CSNK1E: variants seen among roughly 807,000 people sequenced by gnomAD.
The protein encoded by CSNK1E is casein kinase I isoform epsilon.
Under a neutral mutation model 46.1 loss-of-function variants are expected in CSNK1E, and 17 were observed. The observed-to-expected ratio is 0.37, with a 90% CI of 0.25 to 0.55. The LOEUF (loss-of-function observed/expected upper bound fraction) is 0.55, where lower values mean the gene tolerates loss of function less well. CSNK1E is among the 20% of genes least tolerant of loss of function. The probability of loss-of-function intolerance (pLI) is 0.82; values close to 1 mark genes in which losing one functional copy is unlikely to be tolerated. For missense variants in CSNK1E, 386 were observed against 595.4 expected (o/e 0.65, Z 3.66); for synonymous variants, 241 against 242.6 (o/e 0.99, Z 0.06).
At chr22:38,305,891 C>T (rs554251116) in intron 2 of CSNK1E, among the ~76,000 whole-genome samples, 1 of 152,290 alleles carries the variant, frequency 6.6e-6, no homozygotes, top group Admixed American at 6.5e-5. Flanking sequence ...TGACCAGCAA[C>T]CCCGCTTCTG....
chr22:38,300,218 A>C lies in CSNK1E; in HGVS notation c.566-153T>G, dbSNP rs567069334. On this transcript the variant is annotated intron_variant, in intron 5 of 10. Transcript: ENST00000396832. The surrounding 1 kb of genome is among the most constrained non-coding windows in gnomAD (Gnocchi z 4.4). The stretch of plus-strand genomic sequence containing the variant: ...CGCATTTTAAACAGGCACTGCTATT[A>C]TCCTCCTCCTACAGAGAAGAAGCCT... Among the ~76,000 whole-genome samples the C allele has an allele frequency of 1.3e-5, 2 of 152,306 alleles. No individual in the cohort carries two copies. Among genetic ancestry groups the C allele is most frequent in the South Asian group, 2.1e-4 (1 of 4,828 alleles).
At chr22:38,316,108 G>C (rs561496197) in intron 1 of CSNK1E, among the ~76,000 whole-genome samples, 259 of 152,074 alleles carry the variant, frequency 1.7e-3, no homozygotes, top group African/African-American at 6.0e-3. Flanking sequence ...ATGGGGGAGG[G>C]GGGGAGATAA....
rs2092630027 is a variant in CSNK1E at position 38,294,565 on chromosome 22, G to A, written c.886-31C>T. The A allele has an allele frequency of 1.9e-6, 3 of 1,549,050 alleles. No individual in the cohort carries two copies. The highest frequency in any genetic ancestry group is 8.7e-7 in the Non-Finnish European group (1 of 1,149,876). On this transcript the variant is annotated intron_variant, in intron 7 of 10. Transcript: ENST00000396832. This position sits in a 1 kb window ranked among gnomAD's most constrained non-coding sequence, Gnocchi z 5.5. ...GGGATGCAAGAAAAGACACCAGTCA[G>A]CCCCAGAGGCCAGGGTGCTCTGGGC...
intron 2 of CSNK1E, among the ~76,000 whole-genome samples, chr22:38,311,281 A>C (rs1320935457): frequency 2.0e-5 from 3 of 152,240 alleles, no homozygotes; most frequent in Non-Finnish European, 2.9e-5. Flanking sequence ...CATACAGCTC[A>C]CAAAAGGAAG....
At chr22:38,306,132 A>G (rs1373261348) in intron 2 of CSNK1E, among the ~76,000 whole-genome samples, 1 of 152,204 alleles carries the variant, frequency 6.6e-6, no homozygotes, top group African/African-American at 2.4e-5. Flanking sequence ...TGAAAAAGCA[A>G]AGCACAGAAC....
chr22:38,298,501 C>T lies in CSNK1E; in HGVS notation c.885+285G>A. 2.3e-6 allele frequency: 1 copy of T among 439,236 alleles called. No individual in the cohort carries two copies. Among genetic ancestry groups the T allele is most frequent in the South Asian group, 2.1e-5 (1 of 48,026 alleles). The allele number at this position is 439,236 out of a possible 1,614,324, so 27.2% of individuals were successfully genotyped here. On this transcript the variant is annotated intron_variant, in intron 7 of 10. Transcript: ENST00000396832. The surrounding 1 kb of genome is among the most constrained non-coding windows in gnomAD (Gnocchi z 4.2). ...CAGCAGGGGGCGCCGCCAGCACCACCCATGCCCTGCTGCGGGCACCCAGGA... is the reference window on the plus strand; with the variant it reads ...CAGCAGGGGGCGCCGCCAGCACCACTCATGCCCTGCTGCGGGCACCCAGGA...
At position 38,294,154 on chromosome 22, in the gene CSNK1E, TGAG is replaced by T. The variant is rs1198230227; in HGVS notation, c.1170_1172del (p.Ser391del). The T allele has an allele frequency of 6.2e-6, 10 of 1,611,958 alleles. No individual in the cohort carries two copies. The highest frequency in any genetic ancestry group is 8.5e-6 in the Non-Finnish European group (10 of 1,179,704). On this transcript the variant is annotated inframe_deletion, in exon 9 of 11. Transcript: ENST00000396832. This position sits in a 1 kb window ranked among gnomAD's most constrained non-coding sequence, Gnocchi z 5.5. Reference sequence around the variant, plus strand: ...AGACCTCTTGCCGCCCAGTGAGGTCTGAGGAGGAGACGTTGGCGGGCGCACCCC... The same window carrying T: ...AGACCTCTTGCCGCCCAGTGAGGTCTGAGGAGACGTTGGCGGGCGCACCCC...
At position 38,294,278 on chromosome 22, in the gene CSNK1E, A is replaced by G; in HGVS notation, c.1079-30T>C. On this transcript the variant is annotated intron_variant, in intron 8 of 10. Coordinates refer to ENST00000396832, the MANE Select transcript of CSNK1E (RefSeq NM_152221.3). The surrounding 1 kb of genome is among the most constrained non-coding windows in gnomAD (Gnocchi z 5.5). ...AGGGAGAGTGGGAAGCCACCCTCAG[A>G]GTAGGCACAAACAGAGCCCCCCACC... is the stretch of plus-strand genomic sequence containing the variant. 6.2e-7 allele frequency: 1 copy of G among 1,607,262 alleles called. No individual in the cohort carries two copies. The highest frequency in any genetic ancestry group is 8.5e-7 in the Non-Finnish European group (1 of 1,177,936).
At chr22:38,314,395 A>G (rs2092734462) in intron 1 of CSNK1E, among the ~76,000 whole-genome samples, 1 of 152,166 alleles carries the variant, frequency 6.6e-6, no homozygotes, top group African/African-American at 2.4e-5. Flanking sequence ...CAGCCAAGCA[A>G]GCATGTCTTT....
chr22:38,294,021 G>T lies in CSNK1E; in HGVS notation c.1218+88C>A. 6.8e-7 allele frequency: 1 copy of T among 1,470,550 alleles called. No individual in the cohort carries two copies. Among genetic ancestry groups the T allele is most frequent in the Non-Finnish European group, 9.2e-7 (1 of 1,090,866 alleles). 91.1% of individuals were successfully genotyped at this position (1,470,550 alleles called of 1,614,324 possible). On this transcript the variant is annotated intron_variant, in intron 9 of 10. Coordinates refer to ENST00000396832, the MANE Select transcript of CSNK1E (RefSeq NM_152221.3). This position sits in a 1 kb window ranked among gnomAD's most constrained non-coding sequence, Gnocchi z 5.5. ...CAAGGCAAGCAGCGTCGATGGAAAG[G>T]GAAGAACAGAGCCACGGCCTGACCT...
chr22:38,296,481 C>T, intron 7 of CSNK1E: 1 of 1,560,980 alleles, frequency 6.4e-7, no homozygotes, highest in South Asian at 1.2e-5. Context: ...GGTGAAGGTT[C>T]CCATTGCATG....
intron 6 of CSNK1E, 134 bp downstream of exon 6, chr22:38,299,761 G>A (rs1602547151): frequency 1.1e-6 from 1 of 948,716 alleles, no homozygotes; most frequent in East Asian, 2.4e-5. Flanking sequence ...ACCTGCCTTG[G>A]CCTCCCAAAG....
intron 10 of CSNK1E, chr22:38,292,213 C>T (rs965608898): frequency 6.6e-6 from 1 of 152,134 alleles, no homozygotes; most frequent in African/African-American, 2.4e-5. Flanking sequence ...TCTCGAACTC[C>T]TGACCTCAAG....
chr22:38,297,602 T>C (rs139937129), intron 7 of CSNK1E: 1 of 997,030 alleles, frequency 1.0e-6, no homozygotes, highest in Non-Finnish European at 1.2e-6. Context: ...CACACCAGGA[T>C]GAAGCAAGAG....
intron 2 of CSNK1E, among the ~76,000 whole-genome samples, chr22:38,305,807 G>A (rs1053113859): frequency 6.6e-5 from 10 of 152,036 alleles, no homozygotes; most frequent in African/African-American, 2.2e-4. Context: ...TGGGGGCGCT[G>A]AGCACTCCTC....
chr22:38,305,972 G>A (rs62230185), intron 2 of CSNK1E, among the ~76,000 whole-genome samples: 3,402 of 152,288 alleles, frequency 0.022, 55 homozygotes, highest in Non-Finnish European at 0.037. Context: ...AGGCTGTTTG[G>A]AACAGCAGAA....
In CSNK1E at chr22:38,303,103, C is replaced by T. The variant is rs774244256; in HGVS notation, c.187+35G>A. 1.3e-6 allele frequency: 2 copies of T among 1,598,586 alleles called. No homozygotes were observed. Among genetic ancestry groups the T allele is most frequent in the Admixed American group, 1.7e-5 (1 of 59,172 alleles). On this transcript the variant is annotated intron_variant, in intron 3 of 10. Transcript: ENST00000396832. This position sits in a 1 kb window ranked among gnomAD's most constrained non-coding sequence, Gnocchi z 4.7. ...GTGCTCATGGCTGCCCACCGCCACCCACCCGGCGCCCGCCGCCGCCCACCC... is the reference window on the plus strand; with the variant it reads ...GTGCTCATGGCTGCCCACCGCCACCTACCCGGCGCCCGCCGCCGCCCACCC...
In CSNK1E at chr22:38,300,800, C is replaced by T; in HGVS notation, c.489G>A (p.Gln163=). The change falls in exon 5 of 11, where the codon CAG becomes CAA. Residue 163 remains glutamine, a synonymous_variant. Coordinates refer to ENST00000396832, the MANE Select transcript of CSNK1E (RefSeq NM_152221.3). This position sits in a 1 kb window ranked among gnomAD's most constrained non-coding sequence, Gnocchi z 4.4. ...AKKYRDARTH[Q]HIPYRENKNL... Reference sequence around the variant, plus strand: ...TCTTGTTTTCCCGGTAGGGAATGTGCTGGTGGGTGCGGGCGTCCCGGTACT... The same window carrying T: ...TCTTGTTTTCCCGGTAGGGAATGTGTTGGTGGGTGCGGGCGTCCCGGTACT... 6.2e-7 allele frequency: 1 copy of T among 1,614,230 alleles called. No homozygotes were observed. Among genetic ancestry groups the T allele is most frequent in the Non-Finnish European group, 8.5e-7 (1 of 1,180,032 alleles).
Position 38,303,107 on chromosome 22 carries a change from C to G in CSNK1E, c.187+31G>C. On this transcript the variant is annotated intron_variant, in intron 3 of 10. Transcript: ENST00000396832. The surrounding 1 kb of genome is among the most constrained non-coding windows in gnomAD (Gnocchi z 4.7). ...TCATGGCTGCCCACCGCCACCCACC[C>G]GGCGCCCGCCGCCGCCCACCCTGCG... 6.3e-7 allele frequency: 1 copy of G among 1,598,168 alleles called. No homozygotes were observed. The highest frequency in any genetic ancestry group is 8.5e-7 in the Non-Finnish European group (1 of 1,173,392).
Sources: gnomAD v4.1 joint callset for allele counts (sites outside exome capture counted in the v4.1 genomes callset) on GRCh38, gnomAD v4.1.1 for gene constraint, Gnocchi (gnomAD v3.1) non-coding constraint, MANE v1.5 for transcripts, NCBI Gene and HGNC (gene_info 2026-07-23, HGNC 2026-07-21) for gene names.